The following GNG12 variants were observed in gnomAD, a reference collection of about 807,000 sequenced individuals.
The protein encoded by GNG12 is guanine nucleotide-binding protein G(I)/G(S)/G(O) subunit gamma-12.
For missense variants in GNG12, 69 were observed against 83.8 expected, an observed-to-expected ratio of 0.82 and a Z score of 0.69; for synonymous variants, 28 against 29.7, an observed-to-expected ratio of 0.94 and a Z score of 0.19.
intron 2 of GNG12, among the ~76,000 whole-genome samples, chr1:67,731,867 T>C (rs953215063): frequency 1.3e-5 from 2 of 152,250 alleles, no homozygotes. Flanking sequence ...TTATTTTGTA[T>C]GCTTATTTTT....
chr1:67,818,870 A>C (rs187163310), intron 1 of GNG12, among the ~76,000 whole-genome samples: 2 of 152,310 alleles, frequency 1.3e-5, no homozygotes, highest in Admixed American at 6.5e-5. Context: ...ACTGAGACAC[A>C]GCCGTTAAAA....
At chr1:67,731,669 G>C (rs1646421005) in intron 2 of GNG12, among the ~76,000 whole-genome samples, 1 of 152,148 alleles carries the variant, frequency 6.6e-6, no homozygotes, top group Admixed American at 6.5e-5. Context: ...TAGCTTTCAG[G>C]CTCTGGATTT....
intron 2 of GNG12, among the ~76,000 whole-genome samples, chr1:67,750,201 T>C (rs1646530389): frequency 6.6e-6 from 1 of 152,224 alleles, no homozygotes; most frequent in African/African-American, 2.4e-5. Context: ...CATATGACAT[T>C]CACCGCAGCT....
intron 2 of GNG12, among the ~76,000 whole-genome samples, chr1:67,748,949 G>T (rs1646522932): frequency 6.6e-6 from 1 of 151,452 alleles, no homozygotes; most frequent in African/African-American, 2.4e-5. Flanking sequence ...CTTTCGGTTG[G>T]CCAACTCAAC....
intron 2 of GNG12, among the ~76,000 whole-genome samples, chr1:67,762,203 T>C (rs1185715678): frequency 6.6e-6 from 1 of 152,188 alleles, no homozygotes; most frequent in Non-Finnish European, 1.5e-5. Flanking sequence ...CTGTCCACAG[T>C]AGGAACTGCC....
chr1:67,712,281 T>C (rs1646299833), intron 2 of GNG12, among the ~76,000 whole-genome samples: 1 of 152,248 alleles, frequency 6.6e-6, no homozygotes, highest in African/African-American at 2.4e-5. Context: ...CTGATATTTG[T>C]ATGGAACCTG....
chr1:67,786,989 GTATA>G (rs1211405548), intron 1 of GNG12, among the ~76,000 whole-genome samples: 2 of 132,878 alleles, frequency 1.5e-5, no homozygotes, highest in Non-Finnish European at 3.2e-5. Flanking sequence ...GTGTGTGTAT[GTATA>G]TATATGTGTA....
intron 2 of GNG12, among the ~76,000 whole-genome samples, chr1:67,756,572 G>A (rs186886236): frequency 3.5e-4 from 53 of 152,262 alleles, no homozygotes; most frequent in African/African-American, 1.2e-3. Context: ...TGACTTGGAG[G>A]CCACAAGATA....
At chr1:67,825,424 C>G (rs530293451) in intron 1 of GNG12, among the ~76,000 whole-genome samples, 2 of 152,306 alleles carry the variant, frequency 1.3e-5, no homozygotes, top group South Asian at 4.1e-4. Context: ...GTTAGATTCA[C>G]TAAACATGGC....
intron 1 of GNG12, among the ~76,000 whole-genome samples, chr1:67,798,589 C>T (rs1646845752): frequency 6.6e-6 from 1 of 152,118 alleles, no homozygotes; most frequent in Non-Finnish European, 1.5e-5. Context: ...TCCCCTTCCT[C>T]CTTCTCCTCA....
chr1:67,769,264 A>G (rs1202838733), intron 2 of GNG12, among the ~76,000 whole-genome samples: 1 of 152,182 alleles, frequency 6.6e-6, no homozygotes, highest in Non-Finnish European at 1.5e-5. Context: ...CGAGTGACCT[A>G]ATTGTTACAG....
At chr1:67,816,966 G>A (rs2100816160) in intron 1 of GNG12, among the ~76,000 whole-genome samples, 1 of 152,284 alleles carries the variant, frequency 6.6e-6, no homozygotes, top group Admixed American at 6.5e-5. Context: ...AAAGCTTTTT[G>A]AAAAGTGCAA....
intron 2 of GNG12, among the ~76,000 whole-genome samples, chr1:67,762,905 C>T (rs1646613865): frequency 6.6e-6 from 1 of 152,058 alleles, no homozygotes; most frequent in Non-Finnish European, 1.5e-5. Context: ...TACTCTGCTG[C>T]ACAACTTTAT....
intron 2 of GNG12, among the ~76,000 whole-genome samples, chr1:67,760,809 C>A (rs1267677428): frequency 6.6e-6 from 1 of 152,188 alleles, no homozygotes; most frequent in Non-Finnish European, 1.5e-5. Flanking sequence ...CGTCTCGATC[C>A]TTGCAGTCAA....
chr1:67,732,286 C>T lies in GNG12; in HGVS notation c.-26-24574G>A, dbSNP rs946396570. On this transcript the variant is annotated intron_variant, in intron 2 of 3. Transcript: ENST00000370982. The stretch of plus-strand genomic sequence containing the variant: ...AAAGAACTGACTATCGGGGGACCCC[C>T]AGTATAAAGCGACTATTATTATCAA... Among the ~76,000 whole-genome samples the T allele has an allele frequency of 5.9e-5, 9 of 152,344 alleles. No homozygotes were observed. The South Asian group carries it at 1.7e-3, about 28-fold the overall frequency.
intron 1 of GNG12, among the ~76,000 whole-genome samples, chr1:67,779,855 A>G (rs879738584): frequency 6.6e-6 from 1 of 152,190 alleles, no homozygotes; most frequent in Non-Finnish European, 1.5e-5. Context: ...CCTAGGCTAC[A>G]TGGTAGAGCC....
intron 1 of GNG12, among the ~76,000 whole-genome samples, chr1:67,789,806 T>A (rs1041652879): frequency 6.6e-6 from 1 of 151,346 alleles, no homozygotes; most frequent in Non-Finnish European, 1.5e-5. Context: ...GGCCTTGGAC[T>A]CAGAGGAAGA....
chr1:67,747,039 A>G (rs1646511709), intron 2 of GNG12, among the ~76,000 whole-genome samples: 1 of 152,134 alleles, frequency 6.6e-6, no homozygotes, highest in African/African-American at 2.4e-5. Context: ...ATCTTTCCTG[A>G]TACCATTTTG....
intron 1 of GNG12, among the ~76,000 whole-genome samples, chr1:67,831,577 C>T (rs1647045160): frequency 6.6e-6 from 1 of 152,052 alleles, no homozygotes; most frequent in South Asian, 2.1e-4. Flanking sequence ...GGTCTAACGA[C>T]GCAGTAGACT....
Sources: allele counts gnomAD v4.1 joint callset (sites outside exome capture counted in the v4.1 genomes callset), GRCh38; gene constraint gnomAD v4.1.1; transcripts MANE v1.5; gene names NCBI Gene and HGNC (gene_info 2026-07-23, HGNC 2026-07-21).